The following PCDHGA9 variants were observed in gnomAD, a reference collection of about 807,000 sequenced individuals.
PCDHGA9 encodes the protein protocadherin gamma-A9.
In PCDHGA9, 37 loss-of-function variants were observed where a neutral mutation model predicts 62.5. That is an observed-to-expected ratio of 0.59 (90% CI 0.46 to 0.78). PCDHGA9 has a LOEUF of 0.78. PCDHGA9 is among the 30% of genes least tolerant of loss of function. The pLI is 0.00. For missense variants in PCDHGA9, 1,138 were observed against 1,166.2 expected (o/e 0.98, Z 0.35); for synonymous variants, 459 against 484.6 (o/e 0.95, Z 0.69).
rs79464787 is a variant in PCDHGA9, at chr5:141,480,455, T to C, written c.2425-14352T>C. Among the ~76,000 whole-genome samples the C allele has an allele frequency of 7.4e-3, 1,134 of 152,274 alleles. 17 individuals are homozygous for C. The highest frequency in any genetic ancestry group is 0.026 in the African/African-American group (1,086 of 41,548). ...CAGCTATTACTATAATTATTTTTAT[T>C]AGTTCCTCACTCACCTAAAATCTCA... On this transcript the variant is annotated intron_variant, in intron 1 of 3. Transcript: ENST00000573521.
chr5:141,490,544 A>G lies in PCDHGA9; in HGVS notation c.2425-4263A>G. 6.2e-7 allele frequency: 1 copy of G among 1,614,120 alleles called. No individual in the cohort carries two copies. Among genetic ancestry groups the G allele is most frequent in the Non-Finnish European group, 8.5e-7 (1 of 1,180,028 alleles). ...AGCGATGCTGGTTCACCTTCCCTAC[A>G]CAAACATCTCACCATCAGGCTCAAC... On this transcript the variant is annotated intron_variant, in intron 1 of 3. Transcript: ENST00000573521. This position sits in a 1 kb window ranked among gnomAD's most constrained non-coding sequence, Gnocchi z 5.4.
chr5:141,423,246 G>A, intron 1 of PCDHGA9: 15 of 1,613,922 alleles, frequency 9.3e-6, no homozygotes, highest in Non-Finnish European at 1.3e-5. Context: ...CCGAAGTCCT[G>A]GCGGACCTCG....
Position 141,415,578 on chromosome 5 carries a change from G to A in PCDHGA9, c.2424+10202G>A, listed in dbSNP as rs372519745. On this transcript the variant is annotated intron_variant, in intron 1 of 3. Transcript: ENST00000573521. ...ATCCTTTGTCTTTGTTAGATGATTCGAAGTTTCCTATAGAGGATACCCCAT... is the reference window on the plus strand; with the variant it reads ...ATCCTTTGTCTTTGTTAGATGATTCAAAGTTTCCTATAGAGGATACCCCAT... 678 of 1,613,890 alleles carry A rather than the reference G, an allele frequency of 4.2e-4. 10 individuals are homozygous for A. In the South Asian group the frequency reaches 6.8e-3, roughly 16 times the overall value.
At chr5:141,497,201 G>A (rs1190666375) in intron 2 of PCDHGA9, among the ~76,000 whole-genome samples, 1 of 93,734 alleles carries the variant, frequency 1.1e-5, no homozygotes, top group African/African-American at 8.6e-5. Flanking sequence ...AGAACAATGT[G>A]AGTGTAATGG....
At chr5:141,478,355 G>T (rs1193169527) in intron 1 of PCDHGA9, 7 of 1,613,742 alleles carry the variant, frequency 4.3e-6, no homozygotes, top group Non-Finnish European at 5.1e-6. Flanking sequence ...CGCGGACGCC[G>T]TGCGGGGAGG....
chr5:141,443,938 G>T (rs1330111540), intron 1 of PCDHGA9, among the ~76,000 whole-genome samples: 1 of 152,014 alleles, frequency 6.6e-6, no homozygotes, highest in Non-Finnish European at 1.5e-5. Context: ...CTCACAGCAG[G>T]TTTCCTTATT....
intron 3 of PCDHGA9, among the ~76,000 whole-genome samples, chr5:141,506,435 G>C (rs1470687416): frequency 7.9e-6 from 1 of 126,278 alleles, no homozygotes; most frequent in East Asian, 2.1e-4. Flanking sequence ...CAACAGTCTC[G>C]CTCTGTCTCA....
chr5:141,478,633 TGATGAA>T, intron 1 of PCDHGA9: 4 of 1,553,032 alleles, frequency 2.6e-6, no homozygotes, highest in Non-Finnish European at 3.5e-6. Flanking sequence ...GTTTTTTTAG[TGATGAA>T]GATGTTTTCC....
intron 1 of PCDHGA9, among the ~76,000 whole-genome samples, chr5:141,445,700 A>G (rs2098474731): frequency 6.6e-6 from 1 of 152,216 alleles, no homozygotes; most frequent in Non-Finnish European, 1.5e-5. Flanking sequence ...TAAAAAAGAA[A>G]TTGTCAGGCA....
Position 141,432,208 on chromosome 5 carries a change from G to A in PCDHGA9, c.2424+26832G>A, listed in dbSNP as rs150518735. The A allele has an allele frequency of 3.4e-5, 55 of 1,614,196 alleles. No individual in the cohort carries two copies. In the Middle Eastern group the frequency reaches 8.2e-4, roughly 24 times the overall value. Reference sequence around the variant, plus strand: ...CCGCCCACGACCCCGACTGTGAAGAGAACGCCCAGATCACTTATTCCCTGG... The same window carrying A: ...CCGCCCACGACCCCGACTGTGAAGAAAACGCCCAGATCACTTATTCCCTGG... On this transcript the variant is annotated intron_variant, in intron 1 of 3. Transcript: ENST00000573521. The surrounding 1 kb of genome is among the most constrained non-coding windows in gnomAD (Gnocchi z 6.0).
rs117064561 is a variant in PCDHGA9, at chr5:141,470,737, G to T, written c.2425-24070G>T. Among the ~76,000 whole-genome samples the T allele has an allele frequency of 1.9e-3, 295 of 152,132 alleles. 7 individuals carry two copies. In the East Asian group the frequency reaches 0.046, roughly 24 times the overall value. On this transcript the variant is annotated intron_variant, in intron 1 of 3. Coordinates refer to ENST00000573521, the MANE Select transcript of PCDHGA9 (RefSeq NM_018921.3). ...TTTTGAGTCAGGGTCTTGCTCTGTC[G>T]CCCTGGCTGGAGTGCAGTGGACTCA...
rs753936459 is a variant in PCDHGA9 at position 141,501,288 on chromosome 5, TATAC to T, written c.2484-4103_2484-4100del. Among the ~76,000 whole-genome samples the T allele has an allele frequency of 4.5e-4, 37 of 81,322 alleles. No homozygotes were observed. The South Asian group carries it at 5.1e-3, about 11-fold the overall frequency. 53.4% of individuals were successfully genotyped at this position (81,322 alleles called of 152,430 possible). A position where few individuals can be genotyped will look rare whatever the true frequency, so the allele number is the denominator to read the frequency against. ...TAGTCCAGTCTATGGGATATTCCCT[TATAC>T]ACACACACACACACACACACACACA... On this transcript the variant is annotated intron_variant, in intron 2 of 3. Coordinates refer to ENST00000573521, the MANE Select transcript of PCDHGA9 (RefSeq NM_018921.3).
At chr5:141,457,522 G>A (rs1200640017) in intron 1 of PCDHGA9, among the ~76,000 whole-genome samples, 1 of 152,188 alleles carries the variant, frequency 6.6e-6, no homozygotes, top group Non-Finnish European at 1.5e-5. Flanking sequence ...AACAATTAAT[G>A]AGACTAGGGT....
At chr5:141,457,063 G>A (rs1477613746) in intron 1 of PCDHGA9, among the ~76,000 whole-genome samples, 1 of 152,104 alleles carries the variant, frequency 6.6e-6, no homozygotes, top group East Asian at 1.9e-4. Context: ...CTTCCTTTTT[G>A]CCAGTAACTA....
chr5:141,470,794 C>T (rs1332287628), intron 1 of PCDHGA9, among the ~76,000 whole-genome samples: 1 of 152,162 alleles, frequency 6.6e-6, no homozygotes, highest in African/African-American at 2.4e-5. Flanking sequence ...CTCAAGCAAT[C>T]CTCCCACTTC....
chr5:141,432,560 A>C lies in PCDHGA9; in HGVS notation c.2424+27184A>C. The C allele has an allele frequency of 2.5e-6, 4 of 1,613,600 alleles. No individual in the cohort carries two copies. Among genetic ancestry groups the C allele is most frequent in the Non-Finnish European group, 3.4e-6 (4 of 1,179,962 alleles). ...GGCGGTGGACAGAGACTCCGGCCAG[A>C]ACGCCTGGCTGTCCTACCGTCTGCT... On this transcript the variant is annotated intron_variant, in intron 1 of 3. Transcript: ENST00000573521. The surrounding 1 kb of genome is among the most constrained non-coding windows in gnomAD (Gnocchi z 6.0).
At chr5:141,500,887 T>C (rs557735403) in intron 2 of PCDHGA9, among the ~76,000 whole-genome samples, 1 of 95,622 alleles carries the variant, frequency 1.0e-5, no homozygotes, top group South Asian at 2.8e-4. Context: ...ATTTTTTTTT[T>C]TTGAGACAGT....
intron 2 of PCDHGA9, 160 bp from the exon 3 acceptor site, chr5:141,505,233 C>T: frequency 1.1e-6 from 1 of 872,838 alleles, no homozygotes; most frequent in Non-Finnish European, 1.4e-6. Context: ...ATTCTGGCTT[C>T]TGAAGGATTG....
rs1268035794 is a variant in PCDHGA9 at position 141,404,517 on chromosome 5, A to C, written c.1565A>C (p.Tyr522Ser). The C allele has an allele frequency of 6.2e-7, 1 of 1,613,938 alleles. No homozygotes were observed. Among genetic ancestry groups the C allele is most frequent in the South Asian group, 1.1e-5 (1 of 91,082 alleles). ...CTGTATGCTCTGTGCTCCTTTGACT[A>C]TGAGCAGTTTAGAGATTTGCAAATG... ...GVLYALCSFD[Y>S]EQFRDLQMQV... The change falls in exon 1 of 4, where the codon TAT becomes TCT. Residue 522 changes from tyrosine (Y) to serine (S), a missense_variant. By Grantham distance (144) the Tyr-to-Ser change is moderately radical. Transcript: ENST00000573521.
Sources: gnomAD v4.1 joint callset for allele counts (sites outside exome capture counted in the v4.1 genomes callset) on GRCh38, gnomAD v4.1.1 for gene constraint, Gnocchi (gnomAD v3.1) non-coding constraint, MANE v1.5 for transcripts, NCBI Gene and HGNC (gene_info 2026-07-23, HGNC 2026-07-21) for gene names.